The following XRN1 variants were observed in gnomAD, a reference collection of about 807,000 sequenced individuals.
XRN1 encodes the protein 5'-3' exoribonuclease 1.
Under a neutral mutation model 222.3 loss-of-function variants are expected in XRN1, and 67 were observed. That is an observed-to-expected ratio of 0.30 (90% CI 0.25 to 0.37). The LOEUF (loss-of-function observed/expected upper bound fraction) is 0.37, where lower values mean the gene tolerates loss of function less well. Among genes scored for constraint, XRN1 ranks in the 10% least tolerant of loss-of-function variants. The pLI is 1.00. For missense variants in XRN1, 1,707 were observed against 2,000.2 expected (o/e 0.85, Z 2.80); for synonymous variants, 643 against 652.4 (o/e 0.99, Z 0.22).
chr3:142,366,413 T>C (rs748457672), intron 27 of XRN1, among the ~76,000 whole-genome samples: 1 of 152,216 alleles, frequency 6.6e-6, no homozygotes, highest in East Asian at 1.9e-4. Flanking sequence ...TATTTTCTTT[T>C]GTTATGAGGC....
intron 37 of XRN1, among the ~76,000 whole-genome samples, chr3:142,321,885 C>T (rs2065365438): frequency 6.6e-6 from 1 of 152,108 alleles, no homozygotes; most frequent in African/African-American, 2.4e-5. Flanking sequence ...GAGTTTTCTA[C>T]TATAAGATCA....
chr3:142,321,676 A>G (rs2065360972), intron 37 of XRN1, among the ~76,000 whole-genome samples: 1 of 152,142 alleles, frequency 6.6e-6, no homozygotes, highest in Non-Finnish European at 1.5e-5. Flanking sequence ...TAAGCACATC[A>G]TTTCCTTTGT....
chr3:142,335,304 G>T, intron 34 of XRN1, 144 bp downstream of exon 34: 1 of 704,270 alleles, frequency 1.4e-6, no homozygotes, highest in Non-Finnish European at 2.4e-6. Flanking sequence ...CCATCCAAGT[G>T]ACTGTCAGCT....
At chr3:142,358,731 G>A (rs1221691116) in intron 30 of XRN1, among the ~76,000 whole-genome samples, 1 of 152,174 alleles carries the variant, frequency 6.6e-6, no homozygotes, top group Non-Finnish European at 1.5e-5. Flanking sequence ...TATGTGAAGA[G>A]TGTAGACCGG....
intron 1 of XRN1, among the ~76,000 whole-genome samples, chr3:142,433,954 C>A (rs2069745023): frequency 6.6e-6 from 1 of 152,030 alleles, no homozygotes; most frequent in Non-Finnish European, 1.5e-5. Flanking sequence ...TTATGAAATA[C>A]CTATTTATAT....
Position 142,395,298 on chromosome 3 carries a change from G to A in XRN1, c.2339+2031C>T, listed in dbSNP as rs759635835. Reference sequence around the variant, plus strand: ...CAAAGAAAAGCAGTCTAAGAAAATGGTGACCAGAATAAAATAAACCTAAGT... The same window carrying A: ...CAAAGAAAAGCAGTCTAAGAAAATGATGACCAGAATAAAATAAACCTAAGT... On this transcript the variant is annotated intron_variant, in intron 20 of 40. Transcript: ENST00000392981. Among the ~76,000 whole-genome samples, 3 of 152,186 alleles carry A rather than the reference G, an allele frequency of 2.0e-5. No homozygotes were observed. In the South Asian group the frequency reaches 6.2e-4, roughly 32 times the overall value.
chr3:142,333,699 T>C (rs529574771), intron 34 of XRN1, among the ~76,000 whole-genome samples: 1 of 152,254 alleles, frequency 6.6e-6, no homozygotes, highest in African/African-American at 2.4e-5. Context: ...AGATGAGGTC[T>C]TTAGGGTGCA....
chr3:142,412,916 C>A (rs2068641662), intron 14 of XRN1, among the ~76,000 whole-genome samples: 1 of 152,134 alleles, frequency 6.6e-6, no homozygotes, highest in African/African-American at 2.4e-5. Context: ...TCCTTACTCT[C>A]AACATTCATT....
rs1181456146 is a variant in XRN1, at chr3:142,367,871, T to C, written c.3205-2505A>G. Among the ~76,000 whole-genome samples, 3 of 152,062 alleles carry C rather than the reference T, an allele frequency of 2.0e-5. No homozygotes were observed. The East Asian group carries it at 5.8e-4, about 29-fold the overall frequency. ...GATGATCCTGCATTACTAAGAAAAG[T>C]TTAAATGATCTTCAGAATTACAGTG... is the stretch of plus-strand genomic sequence containing the variant. On this transcript the variant is annotated intron_variant, in intron 27 of 40. Transcript: ENST00000392981.
At chr3:142,427,187 G>C (rs2069292642) in intron 2 of XRN1, among the ~76,000 whole-genome samples, 1 of 152,064 alleles carries the variant, frequency 6.6e-6, no homozygotes, top group South Asian at 2.1e-4. Flanking sequence ...AAAATTATTA[G>C]CCAGGTACAG....
intron 20 of XRN1, among the ~76,000 whole-genome samples, chr3:142,389,351 C>T (rs894880038): frequency 2.6e-5 from 4 of 152,134 alleles, no homozygotes; most frequent in Admixed American, 6.5e-5. Context: ...GCAGTTACTT[C>T]CTCCACTGAA....
intron 37 of XRN1, among the ~76,000 whole-genome samples, chr3:142,328,698 TA>T (rs2065591551): frequency 1.8e-5 from 2 of 110,134 alleles, no homozygotes; most frequent in African/African-American, 6.3e-5. Flanking sequence ...GGTTTACTTG[TA>T]ATATTATATA....
chr3:142,313,955 C>T (rs1416859332), intron 39 of XRN1, among the ~76,000 whole-genome samples: 2 of 152,080 alleles, frequency 1.3e-5, no homozygotes, highest in African/African-American at 4.8e-5. Flanking sequence ...AAAATTAGGT[C>T]TTGAAACTAT....
chr3:142,383,872 A>G (rs1223420770), intron 21 of XRN1, among the ~76,000 whole-genome samples: 1 of 152,062 alleles, frequency 6.6e-6, no homozygotes, highest in Non-Finnish European at 1.5e-5. Context: ...AATGCCTTTT[A>G]CATTTATAAG....
chr3:142,400,288 G>C (rs1211917595), intron 19 of XRN1, among the ~76,000 whole-genome samples, 156 bp downstream of exon 19: 1 of 152,198 alleles, frequency 6.6e-6, no homozygotes, highest in Admixed American at 6.5e-5. Flanking sequence ...AATAGTGTTT[G>C]AACTTCAAGT....
chr3:142,445,167 G>A (rs946523011), intron 1 of XRN1, among the ~76,000 whole-genome samples: 2 of 151,122 alleles, frequency 1.3e-5, no homozygotes, highest in African/African-American at 2.4e-5. Flanking sequence ...TCATTTGCTC[G>A]TCTTGCTTCT....
intron 19 of XRN1, 67 bp downstream of exon 19, chr3:142,400,377 C>T: frequency 7.7e-7 from 1 of 1,293,374 alleles, no homozygotes; most frequent in South Asian, 1.4e-5. Flanking sequence ...AAAAATGAAT[C>T]AATAAAAGCC....
intron 39 of XRN1, 117 bp from the exon 40 acceptor site, chr3:142,312,875 C>G: frequency 9.3e-7 from 1 of 1,071,580 alleles, no homozygotes; most frequent in Non-Finnish European, 1.4e-6. Context: ...TGGCAAAAGG[C>G]CTACACTTAC....
At chr3:142,420,645 A>G (rs1166647743) in intron 10 of XRN1, among the ~76,000 whole-genome samples, 3 of 151,808 alleles carry the variant, frequency 2.0e-5, no homozygotes, top group Non-Finnish European at 3.0e-5. Flanking sequence ...TGCTGGGATT[A>G]CAGGTGTGAG....
Sources: allele counts gnomAD v4.1 joint callset (sites outside exome capture counted in the v4.1 genomes callset), GRCh38; gene constraint gnomAD v4.1.1; transcripts MANE v1.5; gene names NCBI Gene and HGNC (gene_info 2026-07-23, HGNC 2026-07-21).